LINGO1: variants seen among roughly 807,000 people sequenced by gnomAD.
The protein encoded by LINGO1 is leucine rich repeat and Ig domain containing 1.
Under a neutral mutation model 37.3 loss-of-function variants are expected in LINGO1, and 11 were observed. The observed-to-expected ratio is 0.29, with a 90% CI of 0.19 to 0.49. The LOEUF (loss-of-function observed/expected upper bound fraction) is 0.49, where lower values mean the gene tolerates loss of function less well. Among genes scored for constraint, LINGO1 ranks in the 20% least tolerant of loss-of-function variants. LINGO1 has a pLI of 0.99. For missense variants in LINGO1, 585 were observed against 878.2 expected (o/e 0.67, Z 4.22); for synonymous variants, 387 against 403.0 (o/e 0.96, Z 0.48).
upstream of LINGO1, among the ~76,000 whole-genome samples, chr15:77,636,033 TC>T (rs567441416): frequency 1.1e-4 from 17 of 152,322 alleles, no homozygotes; most frequent in Non-Finnish European, 2.4e-4. Flanking sequence ...ACACTTCACA[TC>T]TTTGTCTCTC....
In LINGO1 at chr15:77,632,286, C is replaced by T; in HGVS notation, c.6+24G>A. On this transcript the variant is annotated intron_variant, in intron 1 of 1. Transcript: ENST00000355300. This position sits in a 1 kb window ranked among gnomAD's most constrained non-coding sequence, Gnocchi z 6.0. ...TCGCCGCGGGGCTGCCCGCTCGGGG[C>T]TCGGCCGCGGCCGCCTGGCTCACCT... is the stretch of plus-strand genomic sequence containing the variant. 7.0e-7 allele frequency: 1 copy of T among 1,420,626 alleles called. No individual in the cohort carries two copies. Among genetic ancestry groups the T allele is most frequent in the Non-Finnish European group, 9.2e-7 (1 of 1,088,260 alleles). 88.0% of individuals were successfully genotyped at this position (1,420,626 alleles called of 1,614,324 possible).
intron 1 of LINGO1, among the ~76,000 whole-genome samples, chr15:77,809,698 G>A (rs939398191): frequency 7.9e-5 from 12 of 152,310 alleles, no homozygotes; most frequent in Non-Finnish European, 1.6e-4. Context: ...CTGGCAGGGG[G>A]GTGAAGGACC....
At chr15:77,653,782 G>A (rs747897890) in intron 3 of LINGO1, among the ~76,000 whole-genome samples, 6 of 151,752 alleles carry the variant, frequency 4.0e-5, no homozygotes, top group East Asian at 1.9e-4. Context: ...GAGATGGCTC[G>A]GAAAGGAAGA....
At chr15:77,629,713 G>T (rs947732414) in intron 1 of LINGO1, among the ~76,000 whole-genome samples, 2 of 152,222 alleles carry the variant, frequency 1.3e-5, no homozygotes, top group African/African-American at 4.8e-5. Flanking sequence ...GGGCCAGGCA[G>T]GAGGGCAAAA....
At chr15:77,777,500 C>T (rs2076673325) in intron 1 of LINGO1, among the ~76,000 whole-genome samples, 1 of 147,882 alleles carries the variant, frequency 6.8e-6, no homozygotes, top group Non-Finnish European at 1.5e-5. Flanking sequence ...CACACACACA[C>T]ACAGCTCAGA....
chr15:77,615,279 C>T lies in LINGO1; in HGVS notation c.628G>A (p.Ala210Thr). The T allele has an allele frequency of 6.2e-7, 1 of 1,613,702 alleles. No individual in the cohort carries two copies. The highest frequency in any genetic ancestry group is 8.5e-7 in the Non-Finnish European group (1 of 1,179,884). ...KCNLTSIPTE[A>T]LSHLHGLIVL... ...ATGAGGCCGTGCAGGTGGGACAGCGCCTCGGTGGGGATGGAGGTCAGGTTG... is the reference window on the plus strand; with the variant it reads ...ATGAGGCCGTGCAGGTGGGACAGCGTCTCGGTGGGGATGGAGGTCAGGTTG... Residue 210 changes from alanine (A) to threonine (T), a missense_variant, in exon 2 of 2, where the codon GCG becomes ACG. By Grantham distance (58) the Ala-to-Thr change is moderately conservative (BLOSUM62 0). This residue lies in a region of LINGO1 where 484 missense variants were observed against 735.0 expected (regional missense o/e 0.66). Coordinates refer to ENST00000355300, the MANE Select transcript of LINGO1 (RefSeq NM_032808.7).
At chr15:77,636,696 G>A (rs545284901), upstream of LINGO1, among the ~76,000 whole-genome samples, 1 of 152,126 alleles carries the variant, frequency 6.6e-6, no homozygotes, top group Admixed American at 6.5e-5. Context: ...CCCTGGGGGG[G>A]TCTCTAAGCT....
chr15:77,788,938 G>A (rs532184209), upstream of LINGO1, among the ~76,000 whole-genome samples: 4 of 152,296 alleles, frequency 2.6e-5, no homozygotes, highest in South Asian at 2.1e-4. Flanking sequence ...CCTGGGCCCC[G>A]ATTAACATCC....
chr15:77,620,939 G>A (rs191191826), intron 1 of LINGO1, among the ~76,000 whole-genome samples: 2 of 152,290 alleles, frequency 1.3e-5, no homozygotes, highest in Admixed American at 1.3e-4. Context: ...GGAGGTCCAG[G>A]GGGGCAGGGA....
At chr15:77,718,979 A>G (rs2076017378) in intron 2 of LINGO1, among the ~76,000 whole-genome samples, 1 of 150,550 alleles carries the variant, frequency 6.6e-6, no homozygotes, top group Non-Finnish European at 1.5e-5. Flanking sequence ...GGGGAAACCG[A>G]CAAGGCCTCA....
intron 3 of LINGO1, among the ~76,000 whole-genome samples, chr15:77,666,088 C>G (rs2141187849): frequency 6.6e-6 from 1 of 152,358 alleles, no homozygotes; most frequent in East Asian, 1.9e-4. Flanking sequence ...TCAGAGCACA[C>G]AGCATCCAGC....
At position 77,632,394 on chromosome 15, in the gene LINGO1, T is replaced by C. The variant is rs1165901088; in HGVS notation, c.-79A>G. On this transcript the variant is annotated 5_prime_UTR_variant, in exon 1 of 2. Coordinates refer to ENST00000355300, the MANE Select transcript of LINGO1 (RefSeq NM_032808.7). The surrounding 1 kb of genome is among the most constrained non-coding windows in gnomAD (Gnocchi z 6.0). The stretch of plus-strand genomic sequence containing the variant: ...GCCGGCCCGACCAGGCCCCAGCCCC[T>C]GCCCAGCCCCCTCCTCCGTTTCCTC... 3.1e-6 allele frequency: 4 copies of C among 1,288,060 alleles called. No homozygotes were observed. Among genetic ancestry groups the C allele is most frequent in the Admixed American group, 3.7e-5 (1 of 26,944 alleles). The allele number at this position is 1,288,060 out of a possible 1,614,324, so 79.8% of individuals were successfully genotyped here. A position where few individuals can be genotyped will look rare whatever the true frequency, so the allele number is the denominator to read the frequency against.
In LINGO1 at chr15:77,615,307, T is replaced by C; in HGVS notation, c.600A>G (p.Lys200=). The C allele has an allele frequency of 6.2e-7, 1 of 1,613,254 alleles. No individual in the cohort carries two copies. Among genetic ancestry groups the C allele is most frequent in the East Asian group, 2.2e-5 (1 of 44,786 alleles). ...LNSLEQLTLE[K]CNLTSIPTEA... is the part of the protein sequence containing the mutation. The stretch of plus-strand genomic sequence containing the variant: ...CGGTGGGGATGGAGGTCAGGTTGCA[T>C]TTCTCCAGCGTCAGCTGCTCCAGGC... Residue 200 remains lysine, a synonymous_variant, in exon 2 of 2, where the codon AAA becomes AAG. Transcript: ENST00000355300.
intron 1 of LINGO1, among the ~76,000 whole-genome samples, chr15:77,758,080 C>A (rs2076438217): frequency 6.6e-6 from 1 of 152,186 alleles, no homozygotes; most frequent in Admixed American, 6.5e-5. Flanking sequence ...CAACAGCTCG[C>A]CCCTCCCTCG....
chr15:77,615,768 C>T lies in LINGO1; in HGVS notation c.139G>A (p.Glu47Lys), dbSNP rs766269530. The T allele has an allele frequency of 2.5e-6, 4 of 1,575,036 alleles. No individual in the cohort carries two copies. Among genetic ancestry groups the T allele is most frequent in the Admixed American group, 1.8e-5 (1 of 56,426 alleles). ...GSATGCPPRCECSAQDRAVLC... is the reference protein window; with the variant it reads ...GSATGCPPRCKCSAQDRAVLC... ...ACAGCGCGGTCCTGGGCGGAGCACT[C>T]GCAGCGGGGCGGGCAGCCCGTGGCC... The change falls in exon 2 of 2, where the codon GAG (glutamate) becomes AAG (lysine). Residue 47 changes from glutamate (E) to lysine (K), a missense_variant. Physicochemically the swap from Glu to Lys is moderately conservative, Grantham distance 56. This residue lies in a region of LINGO1 where 484 missense variants were observed against 735.0 expected (regional missense o/e 0.66). Coordinates refer to ENST00000355300, the MANE Select transcript of LINGO1 (RefSeq NM_032808.7).
chr15:77,708,319 G>A (rs1472046953), intron 2 of LINGO1, among the ~76,000 whole-genome samples: 5 of 152,180 alleles, frequency 3.3e-5, no homozygotes, highest in Admixed American at 3.3e-4. Flanking sequence ...GCCCTGAAGA[G>A]CAGAGTGGGG....
intron 2 of LINGO1, among the ~76,000 whole-genome samples, chr15:77,731,261 G>T (rs2076152419): frequency 6.6e-6 from 1 of 152,130 alleles, no homozygotes; most frequent in African/African-American, 2.4e-5. Flanking sequence ...TGTAGGAGGT[G>T]GCAGAGAGCC....
intron 3 of LINGO1, among the ~76,000 whole-genome samples, chr15:77,656,641 A>G (rs1596058076): frequency 6.6e-6 from 1 of 151,608 alleles, no homozygotes; most frequent in African/African-American, 2.4e-5. Flanking sequence ...ACACGAGACC[A>G]CCTCCTGCAG....
intron 3 of LINGO1, among the ~76,000 whole-genome samples, chr15:77,660,391 G>A (rs533352079): frequency 6.6e-6 from 1 of 152,348 alleles, no homozygotes; most frequent in Admixed American, 6.5e-5. Context: ...ATCCGGAGGG[G>A]AGGGTGCCTG....
Sources: gnomAD v4.1 joint callset for allele counts (sites outside exome capture counted in the v4.1 genomes callset) on GRCh38, gnomAD v4.1.1 for gene constraint, gnomAD v4.1.1 regional missense constraint, Gnocchi (gnomAD v3.1) non-coding constraint, MANE v1.5 for transcripts, NCBI Gene and HGNC (gene_info 2026-07-23, HGNC 2026-07-21) for gene names.